ZFP62: variants seen among roughly 807,000 people sequenced by gnomAD.
The protein encoded by ZFP62 is zinc finger protein 62 homolog.
ZFP62 carries 44 observed loss-of-function variants against 56.4 expected under a neutral mutation model. That is an observed-to-expected ratio of 0.78 (90% confidence interval 0.61 to 1.00). ZFP62 has a LOEUF of 1.00. Among genes scored for constraint, ZFP62 ranks in the 50% least tolerant of loss-of-function variants. The pLI, the probability that ZFP62 is intolerant of heterozygous loss-of-function variation, is 0.00. For missense variants in ZFP62, 1,030 were observed against 1,085.7 expected (o/e 0.95, Z 0.72); for synonymous variants, 421 against 388.9 (o/e 1.08, Z -0.97).
the ZFP62 span, among the ~76,000 whole-genome samples, chr5:180,832,522 T>C: frequency 6.6e-6 from 1 of 152,222 alleles, no homozygotes; most frequent in Admixed American, 6.5e-5. Flanking sequence ...ATTGTAGTAA[T>C]CTGTTACAGC....
At chr5:180,859,547 A>G (rs539244385) in intron 1 of ZFP62, among the ~76,000 whole-genome samples, 80 of 152,330 alleles carry the variant, frequency 5.3e-4, no homozygotes, top group African/African-American at 1.8e-3. Context: ...TTTTTCCTTA[A>G]AGTAAAAAAC....
At chr5:180,857,015 G>A (rs1364589005) in intron 1 of ZFP62, among the ~76,000 whole-genome samples, 1 of 150,352 alleles carries the variant, frequency 6.7e-6, no homozygotes, top group Non-Finnish European at 1.5e-5. Context: ...AAGGGGGGAT[G>A]GACTACAGGA....
At position 180,861,255 on chromosome 5, in the gene ZFP62, G is replaced by C. The variant is rs896877881; in HGVS notation, c.-36C>G. ...GCGCCGCGGGAACCCGGCCGCCAGC[G>C]GGACAAAAGCGCGGACCGCACGGCC... On this transcript the variant is annotated 5_prime_UTR_variant, in exon 1 of 2. Transcript: ENST00000502412. 7.5e-6 allele frequency: 3 copies of C among 397,608 alleles called. No homozygotes were observed. The highest frequency in any genetic ancestry group is 2.1e-5 in the African/African-American group (1 of 48,592). The allele number at this position is 397,608 out of a possible 1,614,324, so 24.6% of individuals were successfully genotyped here. A position where few individuals can be genotyped will look rare whatever the true frequency, so the allele number is the denominator to read the frequency against.
At chr5:180,838,686 T>C in the ZFP62 span, among the ~76,000 whole-genome samples, 2 of 152,242 alleles carry the variant, frequency 1.3e-5, no homozygotes, top group Admixed American at 1.3e-4. Context: ...TATACTTCTT[T>C]GGCAAGTTTA....
At chr5:180,830,109 G>A in the ZFP62 span, 1 of 151,910 alleles carries the variant, frequency 6.6e-6, no homozygotes, top group Non-Finnish European at 1.5e-5. Context: ...AGAATGGAGG[G>A]GCTGGAAGTG....
chr5:180,841,242 C>CATAT, the ZFP62 span, among the ~76,000 whole-genome samples: 1 of 146,598 alleles, frequency 6.8e-6, no homozygotes, highest in Non-Finnish European at 1.5e-5. Context: ...GTGCTATATC[C>CATAT]ATATATATAT....
the ZFP62 span, among the ~76,000 whole-genome samples, chr5:180,839,207 A>G: frequency 6.6e-6 from 1 of 152,238 alleles, no homozygotes; most frequent in Non-Finnish European, 1.5e-5. Flanking sequence ...TTTAGAAGCA[A>G]AAGCACTCAT....
rs748661577 is a variant in ZFP62, at chr5:180,849,782, G to A, written c.1713C>T (p.Ile571=). The part of the protein sequence containing the change: ...YKCEECGKAY[I]SLSSLINHKS... ...TATGATTTATAAGGCTCGAGAGAGA[G>A]ATGTATGCTTTCCCACATTCTTCAC... The change falls in exon 2 of 2, where the codon ATC becomes ATT. Residue 571 remains isoleucine, a synonymous_variant. Transcript: ENST00000502412. 3 of 1,551,698 alleles carry A rather than the reference G, an allele frequency of 1.9e-6. No individual in the cohort carries two copies. Among genetic ancestry groups the A allele is most frequent in the African/African-American group, 1.4e-5 (1 of 73,030 alleles).
At chr5:180,856,811 G>A (rs570275308) in intron 1 of ZFP62, among the ~76,000 whole-genome samples, 22 of 151,962 alleles carry the variant, frequency 1.4e-4, no homozygotes, top group East Asian at 1.2e-3. Context: ...AAAAATGGCC[G>A]GGCATGGTGG....
chr5:180,829,759 T>G, the ZFP62 span, among the ~76,000 whole-genome samples: 1 of 152,124 alleles, frequency 6.6e-6, no homozygotes, highest in Non-Finnish European at 1.5e-5. Flanking sequence ...AAAGCACTGG[T>G]TATACCTCTA....
At position 180,849,908 on chromosome 5, in the gene ZFP62, C is replaced by T. The variant is rs1306103140; in HGVS notation, c.1587G>A (p.Arg529=). 3.9e-6 allele frequency: 6 copies of T among 1,551,240 alleles called. No individual in the cohort carries two copies. In the Admixed American group the frequency reaches 9.8e-5, roughly 25 times the overall value. The change falls in exon 2 of 2, where the codon AGG becomes AGA. Residue 529 remains arginine (R), a synonymous_variant. Coordinates refer to ENST00000502412, the MANE Select transcript of ZFP62 (RefSeq NM_001172638.2). ...ALEQHKRIHT[R]EKPFGCDECG... ...ACTCATCACACCCAAAGGGTTTTTCCCTGGTATGAATCCTTTTATGCTGTT... is the reference window on the plus strand; with the variant it reads ...ACTCATCACACCCAAAGGGTTTTTCTCTGGTATGAATCCTTTTATGCTGTT...
chr5:180,839,786 GGTT>G, the ZFP62 span, among the ~76,000 whole-genome samples: 4 of 152,114 alleles, frequency 2.6e-5, no homozygotes, highest in Non-Finnish European at 5.9e-5. Flanking sequence ...AAAATAAAAT[GGTT>G]GTGTCCTGAC....
In ZFP62 at chr5:180,847,611, TTTTGA is replaced by T; in HGVS notation, c.*1176_*1180del. The T allele has an allele frequency of 1.0e-6, 1 of 985,428 alleles. No homozygotes were observed. The highest frequency in any genetic ancestry group is 1.2e-6 in the Non-Finnish European group (1 of 829,928). The allele number at this position is 985,428 out of a possible 1,614,324, so 61.0% of individuals were successfully genotyped here. ...ATCCTCCATCTAAACTCACAGCCCGTTTTGATTTAAGGAATTTCTTTATTGGAATT... is the reference window on the plus strand; with the variant it reads ...ATCCTCCATCTAAACTCACAGCCCGTTTTAAGGAATTTCTTTATTGGAATT... On this transcript the variant is annotated 3_prime_UTR_variant, in exon 2 of 2. Coordinates refer to ENST00000502412, the MANE Select transcript of ZFP62 (RefSeq NM_001172638.2).
In ZFP62 at chr5:180,849,774, G is replaced by C; in HGVS notation, c.1721C>G (p.Ser574Trp). The change falls in exon 2 of 2, where the codon TCG becomes TGG. Residue 574 changes from serine to tryptophan, a missense_variant. Coordinates refer to ENST00000502412, the MANE Select transcript of ZFP62 (RefSeq NM_001172638.2). Reference protein sequence around the residue: ...EECGKAYISLSSLINHKSVHP... With the variant: ...EECGKAYISLWSLINHKSVHP... ...TACACTTTTATGATTTATAAGGCTC[G>C]AGAGAGAGATGTATGCTTTCCCACA... is the stretch of plus-strand genomic sequence containing the variant. 1 of 1,551,686 alleles carries C rather than the reference G, an allele frequency of 6.4e-7. No individual in the cohort carries two copies. The highest frequency in any genetic ancestry group is 8.7e-7 in the Non-Finnish European group (1 of 1,147,030).
the ZFP62 span, chr5:180,835,011 C>G: frequency 1.3e-5 from 2 of 152,552 alleles, no homozygotes; most frequent in Non-Finnish European, 2.9e-5. Flanking sequence ...GGGCTTTCCT[C>G]AGACACCAGA....
rs1054552710 is a variant in ZFP62 at position 180,847,970 on chromosome 5, G to T, written c.*822C>A. Reference sequence around the variant, plus strand: ...CGGTGTGTTCCATTAGTTACTGAATGTGTCAAAATCCTCTCCACGGTAGAA... The same window carrying T: ...CGGTGTGTTCCATTAGTTACTGAATTTGTCAAAATCCTCTCCACGGTAGAA... On this transcript the variant is annotated 3_prime_UTR_variant, in exon 2 of 2. Transcript: ENST00000502412. 1.0e-6 allele frequency: 1 copy of T among 985,308 alleles called. No homozygotes were observed. Among genetic ancestry groups the T allele is most frequent in the Admixed American group, 6.1e-5 (1 of 16,266 alleles). The allele number at this position is 985,308 out of a possible 1,614,324, so 61.0% of individuals were successfully genotyped here. A position where few individuals can be genotyped will look rare whatever the true frequency, so the allele number is the denominator to read the frequency against.
At chr5:180,838,020 A>G in the ZFP62 span, among the ~76,000 whole-genome samples, 2 of 152,220 alleles carry the variant, frequency 1.3e-5, no homozygotes, top group Admixed American at 6.5e-5. Context: ...ACTCTCCTTT[A>G]AACATTTATT....
At chr5:180,859,837 A>G (rs1774210180) in intron 1 of ZFP62, among the ~76,000 whole-genome samples, 1 of 152,248 alleles carries the variant, frequency 6.6e-6, no homozygotes, top group Non-Finnish European at 1.5e-5. Context: ...CAATCTGCCA[A>G]TAACTGGTTG....
the ZFP62 span, chr5:180,831,234 G>C: frequency 6.5e-6 from 1 of 152,964 alleles, no homozygotes; most frequent in Non-Finnish European, 1.5e-5. Flanking sequence ...CCTCAGGTCA[G>C]CGCCGCCCTT....
Sources: allele counts gnomAD v4.1 joint callset (sites outside exome capture counted in the v4.1 genomes callset), GRCh38; gene constraint gnomAD v4.1.1; transcripts MANE v1.5; gene names NCBI Gene and HGNC (gene_info 2026-07-23, HGNC 2026-07-21).